Variants in ODAD2 observed in about 807,000 individuals in gnomAD.
The protein encoded by ODAD2 is outer dynein arm docking complex subunit 2, also known as outer dynein arm-docking complex subunit 2.
ODAD2 carries 89 observed loss-of-function variants against 106.8 expected under a neutral mutation model. The observed-to-expected ratio is 0.83, with a 90% confidence interval of 0.70 to 0.99. ODAD2 has a LOEUF of 0.99. Ranked by LOEUF, ODAD2 falls within the 50% of genes least tolerant of loss-of-function variation. The pLI is 0.00. For synonymous variants in ODAD2, 404 were observed against 436.2 expected (o/e 0.93, Z 0.92); for missense variants, 1,168 against 1,238.5 (o/e 0.94, Z 0.85).
chr10:27,824,138 CAAAAAAAAA>C (rs71388934), intron 19 of ODAD2, among the ~76,000 whole-genome samples: 11 of 33,130 alleles, frequency 3.3e-4, no homozygotes, highest in Admixed American at 4.4e-4. Context: ...GACTCCGTCT[CAAAAAAAAA>C]AAAAAAAAAA....
intron 19 of ODAD2, among the ~76,000 whole-genome samples, chr10:27,856,049 T>C (rs1839631127): frequency 6.6e-6 from 1 of 152,202 alleles, no homozygotes. Flanking sequence ...CAATTTATTC[T>C]TCCCCATTAC....
Position 27,971,126 on chromosome 10 carries a change from G to A in ODAD2, c.1124C>T (p.Thr375Ile). Residue 375 changes from threonine (T) to isoleucine (I), a missense_variant, in exon 8 of 20, where the codon ACC becomes ATC. Physicochemically the swap from Thr to Ile is moderately conservative, Grantham distance 89 (BLOSUM62 -1). This residue lies in a region of ODAD2 where 430 missense variants were observed against 452.2 expected (regional missense o/e 0.95). Transcript: ENST00000305242. ...TACATACCCTTTGTAATTAACAGTG[G>A]TCTTCCAGTTTAAGCTTGGTTCCCA... is the stretch of plus-strand genomic sequence containing the variant. ...KRWEPSLNWK[T>I]TVNYKGKGSA... The A allele has an allele frequency of 6.2e-7, 1 of 1,613,202 alleles. No homozygotes were observed. The highest frequency in any genetic ancestry group is 8.5e-7 in the Non-Finnish European group (1 of 1,179,302).
At chr10:27,865,018 C>T (rs180759817) in intron 17 of ODAD2, among the ~76,000 whole-genome samples, 6 of 152,178 alleles carry the variant, frequency 3.9e-5, no homozygotes, top group Non-Finnish European at 8.8e-5. Context: ...CATTAGAAAC[C>T]GTAAATCTGA....
At chr10:27,910,418 C>A (rs992921980) in intron 16 of ODAD2, among the ~76,000 whole-genome samples, 2 of 152,010 alleles carry the variant, frequency 1.3e-5, no homozygotes, top group African/African-American at 4.8e-5. Flanking sequence ...CATAATACTC[C>A]TTGGCTATCT....
chr10:27,900,838 T>A (rs936336511), intron 17 of ODAD2, among the ~76,000 whole-genome samples: 2 of 152,164 alleles, frequency 1.3e-5, no homozygotes, highest in Non-Finnish European at 2.9e-5. Flanking sequence ...CTACTTTTGA[T>A]TGGTGTACCT....
chr10:27,821,290 G>T (rs1426409707), intron 19 of ODAD2, among the ~76,000 whole-genome samples: 1 of 151,992 alleles, frequency 6.6e-6, no homozygotes, highest in African/African-American at 2.4e-5. Context: ...TTTTTCCCGA[G>T]TTTTACTTTA....
chr10:27,901,951 C>A (rs187622562), intron 17 of ODAD2, among the ~76,000 whole-genome samples: 2 of 151,958 alleles, frequency 1.3e-5, no homozygotes, highest in South Asian at 2.1e-4. Context: ...CTGGAACAAG[C>A]GAACCTAATA....
chr10:27,958,354 T>C (rs1847877643), intron 10 of ODAD2, among the ~76,000 whole-genome samples: 1 of 152,196 alleles, frequency 6.6e-6, no homozygotes, highest in Non-Finnish European at 1.5e-5. Flanking sequence ...TATCCAGTAA[T>C]TAGGCTATTA....
At chr10:27,872,761 T>C (rs1193386651) in intron 17 of ODAD2, among the ~76,000 whole-genome samples, 1 of 152,228 alleles carries the variant, frequency 6.6e-6, no homozygotes, top group Non-Finnish European at 1.5e-5. Flanking sequence ...AGTTTGCCAG[T>C]ATTTTATTGA....
chr10:27,816,934 G>A (rs1836179189), intron 19 of ODAD2, among the ~76,000 whole-genome samples: 1 of 152,066 alleles, frequency 6.6e-6, no homozygotes. Context: ...ATTTTTAGTA[G>A]AGACGGGGTT....
chr10:27,992,729 G>T (rs1434831095), intron 2 of ODAD2, among the ~76,000 whole-genome samples: 2 of 151,914 alleles, frequency 1.3e-5, no homozygotes, highest in Non-Finnish European at 2.9e-5. Flanking sequence ...ATATAAGAAT[G>T]GAAATAAGGC....
intron 10 of ODAD2, among the ~76,000 whole-genome samples, chr10:27,956,865 A>G (rs1470446768): frequency 2.0e-5 from 3 of 152,254 alleles, no homozygotes; most frequent in Non-Finnish European, 2.9e-5. Context: ...ACTGAAGAAT[A>G]CCCATTTGCA....
At chr10:27,985,789 T>C (rs1395221236) in intron 3 of ODAD2, among the ~76,000 whole-genome samples, 1 of 150,334 alleles carries the variant, frequency 6.7e-6, no homozygotes, top group Non-Finnish European at 1.5e-5. Context: ...AATATATACA[T>C]AATTTAATTA....
At chr10:27,860,349 A>T (rs1015130139) in intron 19 of ODAD2, among the ~76,000 whole-genome samples, 1 of 152,046 alleles carries the variant, frequency 6.6e-6, no homozygotes, top group African/African-American at 2.4e-5. Flanking sequence ...GCTACTTGGG[A>T]GGGTGAGGCA....
intron 19 of ODAD2, among the ~76,000 whole-genome samples, chr10:27,819,229 C>A (rs1487551262): frequency 6.6e-6 from 1 of 151,900 alleles, no homozygotes. Flanking sequence ...CTGGCAAGGG[C>A]AGAGGACTCC....
intron 19 of ODAD2, among the ~76,000 whole-genome samples, chr10:27,822,178 A>G (rs1277900496): frequency 1.3e-5 from 2 of 152,232 alleles, no homozygotes; most frequent in Non-Finnish European, 2.9e-5. Context: ...GGAAGGTGTG[A>G]CAAAGGTAGC....
At chr10:27,936,621 T>C (rs971591438) in intron 15 of ODAD2, 105 bp downstream of exon 15, 5 of 1,264,234 alleles carry the variant, frequency 4.0e-6, no homozygotes, top group Non-Finnish European at 5.7e-6. Flanking sequence ...AATGTACATC[T>C]ACAACTAACA....
chr10:27,889,299 G>C (rs1010407156), intron 17 of ODAD2, among the ~76,000 whole-genome samples: 1 of 152,158 alleles, frequency 6.6e-6, no homozygotes, highest in Non-Finnish European at 1.5e-5. Context: ...CTAAAGCAGG[G>C]GCTTGTTGGG....
At chr10:27,957,441 G>A (rs1332935045) in intron 10 of ODAD2, 1 of 152,146 alleles carries the variant, frequency 6.6e-6, no homozygotes, top group African/African-American at 2.4e-5. Context: ...ATTTAATGTG[G>A]TCTCTCTACT....
Sources: gnomAD v4.1 joint callset for allele counts (sites outside exome capture counted in the v4.1 genomes callset) on GRCh38, gnomAD v4.1.1 for gene constraint, gnomAD v4.1.1 regional missense constraint, MANE v1.5 for transcripts, NCBI Gene and HGNC (gene_info 2026-07-23, HGNC 2026-07-21) for gene names.